Variants in INPP4B observed in about 807,000 individuals in gnomAD.
INPP4B encodes inositol polyphosphate 4-phosphatase type II.
In INPP4B, 55 loss-of-function variants were observed where a neutral mutation model predicts 122.5. The ratio of observed to expected loss-of-function variants is 0.45; its 90% CI spans 0.36 to 0.56. The LOEUF (loss-of-function observed/expected upper bound fraction) is 0.56. Ranked by LOEUF, INPP4B falls within the 20% of genes least tolerant of loss-of-function variation. INPP4B has a pLI of 0.00. For synonymous variants in INPP4B, 403 were observed against 388.7 expected (o/e 1.04, Z -0.43); for missense variants, 1,000 against 1,097.7 (o/e 0.91, Z 1.26).
At chr4:142,348,973 T>G (rs1781147695) in intron 7 of INPP4B, among the ~76,000 whole-genome samples, 1 of 151,970 alleles carries the variant, frequency 6.6e-6, no homozygotes, top group Non-Finnish European at 1.5e-5. Context: ...GGAAGAGTGT[T>G]GGAGCAGATG....
intron 2 of INPP4B, among the ~76,000 whole-genome samples, chr4:142,648,779 T>C (rs1376041711): frequency 6.6e-6 from 1 of 152,180 alleles, no homozygotes; most frequent in East Asian, 1.9e-4. Context: ...AGACAGCTTC[T>C]TTTTTGTTCA....
chr4:142,438,456 A>G (rs1811008973), intron 3 of INPP4B, among the ~76,000 whole-genome samples: 1 of 152,206 alleles, frequency 6.6e-6, no homozygotes, highest in Non-Finnish European at 1.5e-5. Flanking sequence ...TGGGGAAAAG[A>G]TTCCCTATCT....
chr4:142,267,044 A>G (rs1433857817), intron 10 of INPP4B, among the ~76,000 whole-genome samples: 1 of 152,174 alleles, frequency 6.6e-6, no homozygotes, highest in Non-Finnish European at 1.5e-5. Flanking sequence ...AACATTAATG[A>G]AAAAAAGTTG....
intron 2 of INPP4B, among the ~76,000 whole-genome samples, chr4:142,505,029 A>G (rs1823826264): frequency 6.6e-6 from 1 of 152,090 alleles, no homozygotes; most frequent in South Asian, 2.1e-4. Flanking sequence ...TGCGAGTTTT[A>G]TTTGAGACCA....
intron 2 of INPP4B, among the ~76,000 whole-genome samples, chr4:142,674,594 A>G (rs1277284785): frequency 3.3e-5 from 5 of 152,134 alleles, no homozygotes; most frequent in Non-Finnish European, 7.3e-5. Context: ...ACCATATCAC[A>G]CTTATTCTAA....
At chr4:142,382,585 A>G (rs1447825045) in intron 7 of INPP4B, among the ~76,000 whole-genome samples, 1 of 144,720 alleles carries the variant, frequency 6.9e-6, no homozygotes, top group Non-Finnish European at 1.5e-5. Context: ...TATATTATAT[A>G]TATACTATAA....
intron 9 of INPP4B, among the ~76,000 whole-genome samples, chr4:142,298,235 T>C (rs1759682360): frequency 6.6e-6 from 1 of 152,136 alleles, no homozygotes; most frequent in Admixed American, 6.5e-5. Flanking sequence ...GTTGGGACTG[T>C]GGTAAAGAGA....
At chr4:142,308,329 A>T (rs978353340) in intron 8 of INPP4B, among the ~76,000 whole-genome samples, 1 of 152,222 alleles carries the variant, frequency 6.6e-6, no homozygotes, top group Non-Finnish European at 1.5e-5. Context: ...AGACAAGAGG[A>T]GTTATTATTT....
At chr4:142,451,693 G>A (rs77070821) in intron 3 of INPP4B, among the ~76,000 whole-genome samples, 6,177 of 152,132 alleles carry the variant, frequency 0.041, 473 homozygotes, top group African/African-American at 0.14. Flanking sequence ...GTCAAGAAAC[G>A]ATTCCAAATC....
chr4:142,510,135 G>T (rs1824527218), intron 2 of INPP4B, among the ~76,000 whole-genome samples: 1 of 152,138 alleles, frequency 6.6e-6, no homozygotes, highest in African/African-American at 2.4e-5. Flanking sequence ...TTCCTAGTAA[G>T]AATCTAATTA....
At chr4:142,315,249 T>A (rs1428478933) in intron 7 of INPP4B, among the ~76,000 whole-genome samples, 2 of 152,196 alleles carry the variant, frequency 1.3e-5, no homozygotes, top group Non-Finnish European at 2.9e-5. Context: ...TCAATTTTTT[T>A]AATTAAAAAA....
At chr4:142,673,544 A>G (rs1024428044) in intron 2 of INPP4B, among the ~76,000 whole-genome samples, 1 of 152,124 alleles carries the variant, frequency 6.6e-6, no homozygotes, top group Non-Finnish European at 1.5e-5. Context: ...CTCCCACCCA[A>G]TGTTAACGGT....
intron 11 of INPP4B, among the ~76,000 whole-genome samples, chr4:142,252,044 T>C (rs987746670): frequency 3.9e-5 from 6 of 152,238 alleles, no homozygotes; most frequent in African/African-American, 1.4e-4. Flanking sequence ...CTGGACCCAC[T>C]GTTTACCGCA....
At chr4:142,687,142 C>A (rs1759463763) in intron 2 of INPP4B, among the ~76,000 whole-genome samples, 1 of 151,886 alleles carries the variant, frequency 6.6e-6, no homozygotes. Flanking sequence ...TAAGAAAAAG[C>A]ACCAAACAAA....
chr4:142,148,835 T>A (rs1251983024), intron 17 of INPP4B, among the ~76,000 whole-genome samples: 2 of 152,132 alleles, frequency 1.3e-5, no homozygotes, highest in African/African-American at 4.8e-5. Flanking sequence ...GTAGGCAGAA[T>A]AAAAAAATTT....
intron 7 of INPP4B, among the ~76,000 whole-genome samples, chr4:142,323,043 C>CATTG (rs71586278): frequency 2.2e-3 from 339 of 152,284 alleles, no homozygotes; most frequent in Non-Finnish European, 3.8e-3. Flanking sequence ...CACATTGTGC[C>CATTG]ATGTTCAAGC....
rs116009987 is a variant in INPP4B, at chr4:142,535,263, T to A, written c.-190-72537A>T. On this transcript the variant is annotated intron_variant, in intron 2 of 25. Transcript: ENST00000262992. Reference sequence around the variant, plus strand: ...AGAGACAGAAAAGCTGAGAGTTTAGTTTATCCTCCTACACAGAGCTGGGTA... The same window carrying A: ...AGAGACAGAAAAGCTGAGAGTTTAGATTATCCTCCTACACAGAGCTGGGTA... 3.9e-3 allele frequency among the ~76,000 whole-genome samples: 598 copies of A among 152,298 alleles called. 7 individuals carry two copies. Among genetic ancestry groups the A allele is most frequent in the African/African-American group, 0.014 (564 of 41,568 alleles).
chr4:142,799,610 G>A (rs1318740401), intron 1 of INPP4B, among the ~76,000 whole-genome samples: 3 of 151,838 alleles, frequency 2.0e-5, no homozygotes, highest in East Asian at 1.9e-4. Context: ...AAAAAGTAAA[G>A]TATAGAAGAG....
intron 7 of INPP4B, among the ~76,000 whole-genome samples, chr4:142,356,272 G>A (rs1402207541): frequency 6.8e-6 from 1 of 148,148 alleles, no homozygotes; most frequent in Non-Finnish European, 1.5e-5. Flanking sequence ...GGAGAGAGGA[G>A]AGCAGTGAGT....
Sources: gnomAD v4.1 joint callset for allele counts (sites outside exome capture counted in the v4.1 genomes callset) on GRCh38, gnomAD v4.1.1 for gene constraint, MANE v1.5 for transcripts, NCBI Gene and HGNC (gene_info 2026-07-23, HGNC 2026-07-21) for gene names.